CCSER1: variants seen among roughly 807,000 people sequenced by gnomAD.
The protein encoded by CCSER1 is coiled-coil serine rich protein 1, also known as serine-rich coiled-coil domain-containing protein 1.
Under a neutral mutation model 82.0 loss-of-function variants are expected in CCSER1, and 41 were observed. The observed-to-expected ratio is 0.50, with a 90% confidence interval of 0.39 to 0.65. The LOEUF is 0.65. Among genes scored for constraint, CCSER1 ranks in the 30% least tolerant of loss-of-function variants. The pLI, the probability that CCSER1 is intolerant of heterozygous loss-of-function variation, is 0.00. For synonymous variants in CCSER1, 414 were observed against 383.9 expected (o/e 1.08, Z -0.92); for missense variants, 1,119 against 1,064.2 (o/e 1.05, Z -0.72).
chr4:90,727,587 AC>A (rs1452459076), intron 7 of CCSER1, among the ~76,000 whole-genome samples: 1 of 152,124 alleles, frequency 6.6e-6, no homozygotes, highest in East Asian at 1.9e-4. Flanking sequence ...AATGCTCCAC[AC>A]TGAAGATGGC....
chr4:91,162,496 G>A (rs1357804886), intron 10 of CCSER1, among the ~76,000 whole-genome samples: 1 of 152,166 alleles, frequency 6.6e-6, no homozygotes, highest in Non-Finnish European at 1.5e-5. Flanking sequence ...AATATTTTCA[G>A]AAGGAATGGT....
At chr4:90,522,500 ATTC>A (rs1444601710) in intron 5 of CCSER1, among the ~76,000 whole-genome samples, 16 of 152,132 alleles carry the variant, frequency 1.1e-4, no homozygotes, top group Admixed American at 1.0e-3. Flanking sequence ...TGGCTCTGTT[ATTC>A]TTCTGCTAAG....
At chr4:91,147,346 G>A (rs995633989) in intron 10 of CCSER1, among the ~76,000 whole-genome samples, 3 of 152,196 alleles carry the variant, frequency 2.0e-5, no homozygotes, top group Non-Finnish European at 1.5e-5. Context: ...GGCCCAGCCA[G>A]CTACGTTTTT....
chr4:90,844,806 G>C (rs1228208297), intron 8 of CCSER1, among the ~76,000 whole-genome samples: 2 of 152,124 alleles, frequency 1.3e-5, no homozygotes, highest in African/African-American at 4.8e-5. Context: ...GAAGACAGAG[G>C]TTTGCATTGC....
chr4:90,709,586 C>T (rs979989170), intron 6 of CCSER1, among the ~76,000 whole-genome samples: 1 of 152,088 alleles, frequency 6.6e-6, no homozygotes, highest in Non-Finnish European at 1.5e-5. Context: ...CTTTCAACTC[C>T]ATCCATGTCC....
In CCSER1 at chr4:91,281,217, A is replaced by G. The variant is rs565609250; in HGVS notation, c.2217+195223A>G. Among the ~76,000 whole-genome samples the G allele has an allele frequency of 1.2e-4, 18 of 151,992 alleles. No individual in the cohort carries two copies. In the East Asian group the frequency reaches 3.5e-3, roughly 29 times the overall value. ...TTCCATGTCTTAGGCATTTCTTGTC[A>G]TTTTTCATTGCATTTCAGCATTTTC... On this transcript the variant is annotated intron_variant, in intron 10 of 10. Transcript: ENST00000509176.
intron 9 of CCSER1, among the ~76,000 whole-genome samples, chr4:91,084,160 G>A (rs1723117766): frequency 6.6e-6 from 1 of 152,062 alleles, no homozygotes; most frequent in Non-Finnish European, 1.5e-5. Context: ...TTGAGCTCCT[G>A]ACCTCAAGTG....
chr4:91,276,764 G>A (rs1742495539), intron 10 of CCSER1, among the ~76,000 whole-genome samples: 2 of 152,020 alleles, frequency 1.3e-5, no homozygotes, highest in South Asian at 4.1e-4. Context: ...TTCCCATTGT[G>A]TCCAAGGTTA....
intron 10 of CCSER1, among the ~76,000 whole-genome samples, chr4:91,466,555 A>G (rs939379507): frequency 1.5e-4 from 23 of 152,178 alleles, no homozygotes; most frequent in African/African-American, 4.6e-4. Flanking sequence ...GAAAAGAGGA[A>G]GTCAAATTGT....
intron 6 of CCSER1, among the ~76,000 whole-genome samples, chr4:90,712,694 T>C (rs1453932973): frequency 1.3e-5 from 2 of 152,010 alleles, no homozygotes; most frequent in Admixed American, 1.3e-4. Context: ...ATATTTTTGT[T>C]AATTTTCTAT....
At chr4:90,218,698 A>G (rs987732470) in intron 1 of CCSER1, among the ~76,000 whole-genome samples, 1 of 152,108 alleles carries the variant, frequency 6.6e-6, no homozygotes, top group South Asian at 2.1e-4. Context: ...TGTAAACATG[A>G]TACGAAAACC....
At chr4:90,629,873 A>C (rs1724042197) in intron 6 of CCSER1, among the ~76,000 whole-genome samples, 1 of 152,072 alleles carries the variant, frequency 6.6e-6, no homozygotes, top group Admixed American at 6.6e-5. Context: ...AGTATTCAAA[A>C]TGTGTTTTCT....
chr4:91,100,007 A>G (rs1386674706), intron 10 of CCSER1, among the ~76,000 whole-genome samples: 1 of 152,188 alleles, frequency 6.6e-6, no homozygotes, highest in East Asian at 1.9e-4. Context: ...ATTTCAAGAC[A>G]TGGCAAAGAA....
intron 1 of CCSER1, among the ~76,000 whole-genome samples, chr4:90,304,284 C>G (rs1277371705): frequency 1.3e-5 from 2 of 152,206 alleles, no homozygotes; most frequent in Non-Finnish European, 2.9e-5. Context: ...TTGACCCAGC[C>G]ATCCCATTAC....
chr4:91,457,437 C>CAGG (rs1279631271), intron 10 of CCSER1, among the ~76,000 whole-genome samples: 2 of 151,980 alleles, frequency 1.3e-5, no homozygotes, highest in African/African-American at 4.8e-5. Flanking sequence ...GACCCCAAGA[C>CAGG]AGGAGATCAC....
Position 91,186,551 on chromosome 4 carries a change from C to A in CCSER1, c.2217+100557C>A, listed in dbSNP as rs532682321. ...CTCAGTCAGGGAGACCCTAACTCAG[C>A]GGCGCTAGAGGAATTAAAGACACAC... On this transcript the variant is annotated intron_variant, in intron 10 of 10. Coordinates refer to ENST00000509176, the MANE Select transcript of CCSER1 (RefSeq NM_001145065.2). Among the ~76,000 whole-genome samples the A allele has an allele frequency of 2.5e-3, 378 of 152,206 alleles. 4 individuals carry two copies. Among genetic ancestry groups the A allele is most frequent in the South Asian group, 0.022 (107 of 4,822 alleles).
At chr4:91,156,402 C>G (rs944664452) in intron 10 of CCSER1, among the ~76,000 whole-genome samples, 2 of 151,608 alleles carry the variant, frequency 1.3e-5, no homozygotes, top group Admixed American at 6.6e-5. Context: ...AAAAATTTTA[C>G]AACTGTTCTG....
At chr4:91,249,983 A>T (rs542801735) in intron 10 of CCSER1, among the ~76,000 whole-genome samples, 1 of 152,044 alleles carries the variant, frequency 6.6e-6, no homozygotes, top group Admixed American at 6.6e-5. Flanking sequence ...AGAATGCAAG[A>T]TGTTCAAAAC....
chr4:91,454,122 G>C (rs538639594), intron 10 of CCSER1, among the ~76,000 whole-genome samples: 2 of 152,142 alleles, frequency 1.3e-5, no homozygotes, highest in South Asian at 4.1e-4. Flanking sequence ...GTTTGCATTG[G>C]TTTTCTATGG....
Sources: allele counts gnomAD v4.1 joint callset (sites outside exome capture counted in the v4.1 genomes callset), GRCh38; gene constraint gnomAD v4.1.1; transcripts MANE v1.5; gene names NCBI Gene and HGNC (gene_info 2026-07-23, HGNC 2026-07-21).